CTCF: variants seen among roughly 807,000 people sequenced by gnomAD.
CTCF encodes CCCTC-binding factor.
A neutral mutation model predicts 72.3 loss-of-function variants in CTCF; 7 were observed. That is an observed-to-expected ratio of 0.10 (90% confidence interval 0.06 to 0.18). The LOEUF is 0.18. Ranked by LOEUF, CTCF falls within the 10% of genes least tolerant of loss-of-function variation. CTCF has a pLI of 1.00. For synonymous variants in CTCF, 374 were observed against 315.8 expected, an observed-to-expected ratio of 1.18 and a Z score of -1.95; for missense variants, 516 against 949.1, an observed-to-expected ratio of 0.54 and a Z score of 6.00.
At chr16:67,576,221 A>C (rs2051494625) in intron 2 of CTCF, among the ~76,000 whole-genome samples, 1 of 151,826 alleles carries the variant, frequency 6.6e-6, no homozygotes, top group Non-Finnish European at 1.5e-5. Context: ...GCATAATACC[A>C]AAAAGTTAAT....
chr16:67,591,384 C>G (rs893864163), intron 2 of CTCF, among the ~76,000 whole-genome samples: 1 of 152,142 alleles, frequency 6.6e-6, no homozygotes, highest in Non-Finnish European at 1.5e-5. Flanking sequence ...GCTTCCGTTC[C>G]CAGTCACTGT....
chr16:67,604,964 ATTTTTTTTTT>A (rs34873720), intron 2 of CTCF, among the ~76,000 whole-genome samples: 8 of 73,776 alleles, frequency 1.1e-4, no homozygotes, highest in South Asian at 4.9e-4. Context: ...TATAAATGGG[ATTTTTTTTTT>A]TTTTTTTTTT....
intron 8 of CTCF, chr16:67,627,642 A>C (rs1443395892): frequency 6.6e-6 from 1 of 151,352 alleles, no homozygotes; most frequent in African/African-American, 2.4e-5. Flanking sequence ...CTACTAAAAA[A>C]AAAAAACAAA....
At chr16:67,632,559 C>T (rs930893752) in intron 10 of CTCF, among the ~76,000 whole-genome samples, 2 of 152,312 alleles carry the variant, frequency 1.3e-5, no homozygotes, top group East Asian at 1.9e-4. Flanking sequence ...CAGAGATTGA[C>T]CAGCAGATGG....
chr16:67,569,357 T>A (rs1443484305), intron 1 of CTCF, among the ~76,000 whole-genome samples: 1 of 151,672 alleles, frequency 6.6e-6, no homozygotes, highest in Non-Finnish European at 1.5e-5. Context: ...AGCTAATTTT[T>A]GTATTTTTAG....
chr16:67,638,450 C>G lies in CTCF; in HGVS notation c.*578C>G. On this transcript the variant is annotated 3_prime_UTR_variant, in exon 12 of 12. Coordinates refer to ENST00000264010, the MANE Select transcript of CTCF (RefSeq NM_006565.4). ...TAAATAACTTTTTTTACATTTTAAT[C>G]TTTTCCATTAATTAAGAGGTTGAAA... 4.5e-6 allele frequency: 1 copy of G among 224,280 alleles called. No individual in the cohort carries two copies. Among genetic ancestry groups the G allele is most frequent in the Non-Finnish European group, 8.9e-6 (1 of 112,214 alleles). The allele number at this position is 224,280 out of a possible 1,614,324, so 13.9% of individuals were successfully genotyped here. A position where few individuals can be genotyped will look rare whatever the true frequency, so the allele number is the denominator to read the frequency against.
intron 2 of CTCF, among the ~76,000 whole-genome samples, chr16:67,588,883 G>C (rs1446398458): frequency 6.6e-6 from 1 of 151,998 alleles, no homozygotes; most frequent in East Asian, 1.9e-4. Flanking sequence ...TAGAGACAGG[G>C]TTTCGCTATG....
At chr16:67,600,944 G>A (rs2051878230) in intron 2 of CTCF, among the ~76,000 whole-genome samples, 3 of 152,102 alleles carry the variant, frequency 2.0e-5, no homozygotes. Context: ...AGGCATGGGC[G>A]ACTCAAGCAA....
Position 67,591,759 on chromosome 16 carries a change from A to G in CTCF, c.-9-19065A>G, listed in dbSNP as rs541707468. Among the ~76,000 whole-genome samples the G allele has an allele frequency of 1.4e-3, 212 of 152,108 alleles. 1 individual carries two copies. Among genetic ancestry groups the G allele is most frequent in the African/African-American group, 4.8e-3 (201 of 41,492 alleles). ...TAAGGGCACAGAGTCTTGCGCTGTC[A>G]CTCAGACTGGAATGCAGTGGTGTGA... On this transcript the variant is annotated intron_variant, in intron 2 of 11. Transcript: ENST00000264010.
intron 7 of CTCF, among the ~76,000 whole-genome samples, chr16:67,625,661 A>G (rs924111394): frequency 1.2e-4 from 19 of 152,174 alleles, no homozygotes; most frequent in African/African-American, 3.9e-4. Flanking sequence ...CAACTTGTAC[A>G]TTTATATTCC....
At position 67,620,837 on chromosome 16, in the gene CTCF, T is replaced by C; in HGVS notation, c.1207+20T>C. The C allele has an allele frequency of 6.4e-7, 1 of 1,555,948 alleles. No individual in the cohort carries two copies. The highest frequency in any genetic ancestry group is 1.2e-5 in the South Asian group (1 of 84,774). On this transcript the variant is annotated intron_variant, in intron 6 of 11. Transcript: ENST00000264010. Reference sequence around the variant, plus strand: ...ATTCAGGTAGGACTTCTCCACTCCTTACTGTATTAATGAGCTTCTTTTCAG... The same window carrying C: ...ATTCAGGTAGGACTTCTCCACTCCTCACTGTATTAATGAGCTTCTTTTCAG...
chr16:67,597,998 A>T (rs117256570), intron 2 of CTCF, among the ~76,000 whole-genome samples: 1,553 of 151,834 alleles, frequency 0.01, 16 homozygotes, highest in Non-Finnish European at 0.016. Flanking sequence ...TTTTTTTTAG[A>T]CCATGTCTCA....
At chr16:67,565,886 G>T (rs2051336961) in intron 1 of CTCF, among the ~76,000 whole-genome samples, 1 of 152,144 alleles carries the variant, frequency 6.6e-6, no homozygotes, top group Non-Finnish European at 1.5e-5. Context: ...GCCACTTGTG[G>T]CTGACTTAAG....
At chr16:67,602,198 A>G (rs1047951910) in intron 2 of CTCF, among the ~76,000 whole-genome samples, 3 of 152,162 alleles carry the variant, frequency 2.0e-5, no homozygotes, top group Non-Finnish European at 4.4e-5. Context: ...TTAAGTTTTC[A>G]AATTCACACC....
At chr16:67,583,376 A>G (rs2051617090) in intron 2 of CTCF, among the ~76,000 whole-genome samples, 1 of 152,050 alleles carries the variant, frequency 6.6e-6, no homozygotes, top group Non-Finnish European at 1.5e-5. Flanking sequence ...TAGGTTGCTG[A>G]GGGTTTTTGA....
intron 4 of CTCF, among the ~76,000 whole-genome samples, chr16:67,612,783 A>G (rs941062641): frequency 7.9e-5 from 12 of 152,018 alleles, no homozygotes; most frequent in Admixed American, 7.2e-4. Flanking sequence ...CTAGAAATAC[A>G]TAAATTAGCC....
chr16:67,592,029 C>T (rs1470123390), intron 2 of CTCF, among the ~76,000 whole-genome samples: 1 of 152,002 alleles, frequency 6.6e-6, no homozygotes, highest in Non-Finnish European at 1.5e-5. Flanking sequence ...CTTATAATTG[C>T]TTTTTTTCCC....
At chr16:67,622,641 C>A (rs941786214) in intron 7 of CTCF, among the ~76,000 whole-genome samples, 2 of 130,920 alleles carry the variant, frequency 1.5e-5, no homozygotes, top group African/African-American at 5.7e-5. Flanking sequence ...CCTACTCTTA[C>A]TTTTTTTTTT....
At chr16:67,619,408 C>G (rs1453673957) in intron 5 of CTCF, among the ~76,000 whole-genome samples, 1 of 152,074 alleles carries the variant, frequency 6.6e-6, no homozygotes, top group Non-Finnish European at 1.5e-5. Flanking sequence ...TGTACTCCAG[C>G]CTGGGCAACG....
Sources: gnomAD v4.1 joint callset for allele counts (sites outside exome capture counted in the v4.1 genomes callset) on GRCh38, gnomAD v4.1.1 for gene constraint, MANE v1.5 for transcripts, NCBI Gene and HGNC (gene_info 2026-07-23, HGNC 2026-07-21) for gene names.